The following NFILZ variants were observed in gnomAD, a reference collection of about 807,000 sequenced individuals.
The protein encoded by NFILZ is NFIL3 like basic leucine zipper, also known as NFIL3 like protein.
intron 4 of NFILZ, among the ~76,000 whole-genome samples, chr19:8,675,839 T>C (rs1481483148): frequency 6.6e-6 from 1 of 152,142 alleles, no homozygotes; most frequent in Non-Finnish European, 1.5e-5. Flanking sequence ...TGAATGGATT[T>C]GTAGAAGAGT....
chr19:8,656,159 A>G (rs2340548), intron 3 of NFILZ, among the ~76,000 whole-genome samples: 77,784 of 150,976 alleles, frequency 0.52, 21,954 homozygotes, highest in East Asian at 0.87. Flanking sequence ...AAGGCCCTCC[A>G]TAGCCACGTT....
intron 3 of NFILZ, among the ~76,000 whole-genome samples, chr19:8,673,199 C>T (rs1371298257): frequency 6.6e-6 from 1 of 152,086 alleles, no homozygotes; most frequent in African/African-American, 2.4e-5. Context: ...TTTGGAATCT[C>T]TGACTGTCCC....
intron 3 of NFILZ, among the ~76,000 whole-genome samples, chr19:8,652,765 CT>C (rs558284953): frequency 1.8e-3 from 273 of 152,090 alleles, no homozygotes; most frequent in African/African-American, 4.1e-3. Context: ...TTCTTTCTTT[CT>C]TTTTTTCCTT....
intron 3 of NFILZ, among the ~76,000 whole-genome samples, chr19:8,672,691 A>C (rs1054798296): frequency 1.3e-5 from 2 of 151,172 alleles, no homozygotes; most frequent in Non-Finnish European, 2.9e-5. Context: ...TTCATTCAAA[A>C]ATATTCAGGC....
At chr19:8,674,715 G>T (rs2043103294) in intron 4 of NFILZ, among the ~76,000 whole-genome samples, 115 bp downstream of exon 4, 1 of 152,082 alleles carries the variant, frequency 6.6e-6, no homozygotes, top group South Asian at 2.1e-4. Flanking sequence ...CATTGTCAGA[G>T]GTCCTTGGAG....
At chr19:8,664,484 G>C (rs948088774) in intron 3 of NFILZ, among the ~76,000 whole-genome samples, 10 of 152,046 alleles carry the variant, frequency 6.6e-5, no homozygotes, top group Non-Finnish European at 1.2e-4. Context: ...GGTGCCGGGG[G>C]AGGGGGAGGG....
intron 3 of NFILZ, among the ~76,000 whole-genome samples, chr19:8,673,697 A>C (rs2967682): frequency 0.7 from 106,246 of 151,820 alleles, 38,368 homozygotes; most frequent in African/African-American, 0.87. Flanking sequence ...CCTCCCATGA[A>C]TAGAAATTCT....
chr19:8,663,754 G>GTGTGTGTGTGTGTGTGTGTGTGTGTA (rs2043047886), intron 3 of NFILZ, among the ~76,000 whole-genome samples: 1 of 117,542 alleles, frequency 8.5e-6, no homozygotes, highest in African/African-American at 4.8e-5. Context: ...GTGTGTGTGT[G>GTGTGTGTGTGTGTGTGTGTGTGTGTA]TGTGTGTGTG....
rs57880553 is a variant in NFILZ, at chr19:8,680,299, T to TTTCATTCATTCATTCA, written c.*2679_*2694dup. 3.9e-4 allele frequency among the ~76,000 whole-genome samples: 57 copies of TTTCATTCATTCATTCA among 147,958 alleles called. 1 individual carries two copies. Among genetic ancestry groups the TTTCATTCATTCATTCA allele is most frequent in the African/African-American group, 1.4e-3 (55 of 38,330 alleles). Reference sequence around the variant, plus strand: ...GCTTGTGGCTCAGCTATAACAGCATTTTCATTCATTCATTCATTCATTCAT... The same window carrying TTTCATTCATTCATTCA: ...GCTTGTGGCTCAGCTATAACAGCATTTTCATTCATTCATTCATTCATTCATTCATTCATTCATTCAT... On this transcript the variant is annotated 3_prime_UTR_variant, in exon 6 of 6. Transcript: ENST00000691075.
At chr19:8,634,757 G>A (rs1018420879) in intron 2 of NFILZ, among the ~76,000 whole-genome samples, 1 of 152,006 alleles carries the variant, frequency 6.6e-6, no homozygotes, top group African/African-American at 2.4e-5. Context: ...GTGTGCATTC[G>A]TAGTTCCAGC....
chr19:8,674,789 C>T (rs148358006), intron 4 of NFILZ, among the ~76,000 whole-genome samples, 189 bp downstream of exon 4: 4 of 152,212 alleles, frequency 2.6e-5, no homozygotes, highest in South Asian at 2.1e-4. Flanking sequence ...AATTATGTCA[C>T]ATAACCATGT....
At chr19:8,662,445 G>A (rs1354468494) in intron 3 of NFILZ, among the ~76,000 whole-genome samples, 2 of 152,004 alleles carry the variant, frequency 1.3e-5, no homozygotes, top group Non-Finnish European at 2.9e-5. Context: ...TCCTGGCAGA[G>A]GGAACAGCCT....
intron 3 of NFILZ, among the ~76,000 whole-genome samples, chr19:8,650,697 C>T (rs1338123193): frequency 3.3e-5 from 5 of 149,744 alleles, no homozygotes; most frequent in African/African-American, 1.2e-4. Context: ...TAAAAGGAAA[C>T]TCATGCTAAA....
intron 3 of NFILZ, among the ~76,000 whole-genome samples, chr19:8,663,327 A>G (rs2146163548): frequency 6.6e-6 from 1 of 151,576 alleles, no homozygotes; most frequent in Middle Eastern, 3.4e-3. Flanking sequence ...GGTGAGAGAA[A>G]AAGAGGAGCA....
At position 8,632,833 on chromosome 19, in the gene NFILZ, C is replaced by T. The variant is rs544245693; in HGVS notation, c.-261+208C>T. 1.3e-3 allele frequency among the ~76,000 whole-genome samples: 203 copies of T among 151,370 alleles called. 2 individuals are homozygous for T. The Middle Eastern group carries it at 0.034, about 25-fold the overall frequency. ...CGCCTCCCAGGTTCAAGCAATTCTT[C>T]TTCCTCAGCCTCCTGAGTAGCTGGG... On this transcript the variant is annotated intron_variant, in intron 2 of 5. Coordinates refer to ENST00000691075, the MANE Select transcript of NFILZ (RefSeq NM_001378600.1).
chr19:8,631,318 G>C (rs980017520), intron 1 of NFILZ, among the ~76,000 whole-genome samples: 11 of 152,120 alleles, frequency 7.2e-5, no homozygotes, highest in Admixed American at 2.6e-4. Flanking sequence ...TGGCCCAGTG[G>C]GGTTGCAAAT....
chr19:8,647,588 A>AC (rs1491032096), intron 3 of NFILZ, among the ~76,000 whole-genome samples: 21 of 107,434 alleles, frequency 2.0e-4, no homozygotes, highest in Non-Finnish European at 3.7e-4. Flanking sequence ...CCCCCCCCCC[A>AC]AAAAAAGGGA....
chr19:8,678,077 A>ATCCATCCATTCC lies in NFILZ; in HGVS notation c.*442_*443insTCCATCCATTCC, dbSNP rs1555750941. ...CCACCCATCTATTCATCCATCCATCAATCCATCCATCCATTCCATCCATCC... is the reference window on the plus strand; with the variant it reads ...CCACCCATCTATTCATCCATCCATCATCCATCCATTCCATCCATCCATCCATTCCATCCATCC... On this transcript the variant is annotated 3_prime_UTR_variant, in exon 6 of 6. Transcript: ENST00000691075. Among the ~76,000 whole-genome samples, 2 of 6,106 alleles carry ATCCATCCATTCC rather than the reference A, an allele frequency of 3.3e-4. No individual in the cohort carries two copies. The highest frequency in any genetic ancestry group is 7.9e-4 in the African/African-American group (1 of 1,270). 4.0% of individuals were successfully genotyped at this position (6,106 alleles called of 152,430 possible).
chr19:8,679,861 C>T lies in NFILZ; in HGVS notation c.*2226C>T, dbSNP rs546392652. ...AATAAGAGGCAGTAAATAAATTGCC[C>T]GGTATAGGGGCTTCTCTGGACTGTT... On this transcript the variant is annotated 3_prime_UTR_variant, in exon 6 of 6. Transcript: ENST00000691075. 3.3e-4 allele frequency among the ~76,000 whole-genome samples: 50 copies of T among 152,124 alleles called. No individual in the cohort carries two copies. Among genetic ancestry groups the T allele is most frequent in the Admixed American group, 9.8e-4 (15 of 15,276 alleles).
Sources: gnomAD v4.1 joint callset for allele counts (sites outside exome capture counted in the v4.1 genomes callset) on GRCh38, gnomAD v4.1.1 for gene constraint, MANE v1.5 for transcripts, NCBI Gene and HGNC (gene_info 2026-07-23, HGNC 2026-07-21) for gene names.